The following BLOC1S5 variants were observed in gnomAD, a reference collection of about 807,000 sequenced individuals.
BLOC1S5 encodes the protein biogenesis of lysosome-related organelles complex 1 subunit 5.
Under a neutral mutation model 24.3 loss-of-function variants are expected in BLOC1S5, and 27 were observed. That is an observed-to-expected ratio of 1.11 (90% CI 0.82 to 1.53). The LOEUF is 1.53. Ranked by LOEUF, BLOC1S5 falls within the 40% of genes most tolerant of loss-of-function variation. BLOC1S5 has a pLI of 0.00. For missense variants in BLOC1S5, 239 were observed against 229.4 expected (o/e 1.04, Z -0.27); for synonymous variants, 84 against 74.5 (o/e 1.13, Z -0.66).
At chr6:8,026,278 C>A (rs564921577) in intron 4 of BLOC1S5, 89 bp downstream of exon 4, 2 of 1,073,392 alleles carry the variant, frequency 1.9e-6, no homozygotes, top group East Asian at 2.4e-5. Flanking sequence ...TCACTGCATT[C>A]AGAGAATTTT....
intron 4 of BLOC1S5, among the ~76,000 whole-genome samples, chr6:8,018,553 A>C (rs1344837297): frequency 6.6e-6 from 1 of 152,196 alleles, no homozygotes; most frequent in East Asian, 1.9e-4. Flanking sequence ...AGAAAAACGG[A>C]GCTTTGGCAG....
chr6:8,062,595 C>T lies in BLOC1S5; in HGVS notation c.134G>A (p.Arg45Lys), dbSNP rs570524704. 3.5e-5 allele frequency: 56 copies of T among 1,602,076 alleles called. 1 individual carries two copies. In the South Asian group the frequency reaches 6.2e-4, roughly 18 times the overall value. ...IIKDLGEIHS[R>K]LLDHRPVIQG... ...AATAACTGGTCTGTGATCCAAAAGC[C>T]TTGAATGAATTTCTCCAAGATCTAT... The change falls in exon 2 of 5, where the codon AGG becomes AAG. Residue 45 changes from arginine (R) to lysine (K), a missense_variant. By Grantham distance (26) the Arg-to-Lys change is conservative. Coordinates refer to ENST00000397457, the MANE Select transcript of BLOC1S5 (RefSeq NM_201280.3).
At chr6:8,024,023 C>A (rs1763021889) in intron 4 of BLOC1S5, among the ~76,000 whole-genome samples, 1 of 152,176 alleles carries the variant, frequency 6.6e-6, no homozygotes, top group Non-Finnish European at 1.5e-5. Context: ...AGAAGTGGAT[C>A]TGTTTATGAC....
At chr6:8,059,207 T>C (rs957096399) in intron 2 of BLOC1S5, among the ~76,000 whole-genome samples, 2 of 152,206 alleles carry the variant, frequency 1.3e-5, no homozygotes, top group African/African-American at 4.8e-5. Flanking sequence ...ATAATGTTCA[T>C]TGGAATCAAG....
intron 2 of BLOC1S5, among the ~76,000 whole-genome samples, chr6:8,060,203 T>C (rs776038092): frequency 2.0e-5 from 3 of 152,162 alleles, no homozygotes; most frequent in Admixed American, 6.5e-5. Context: ...CCAAAAATAA[T>C]GAGCCATGCG....
chr6:8,037,592 A>T (rs1430980332), intron 3 of BLOC1S5, among the ~76,000 whole-genome samples: 1 of 152,212 alleles, frequency 6.6e-6, no homozygotes, highest in African/African-American at 2.4e-5. Flanking sequence ...AATACCAACG[A>T]CATTTTTCAT....
chr6:8,064,205 C>T, intron 1 of BLOC1S5, 60 bp downstream of exon 1: 2 of 1,441,054 alleles, frequency 1.4e-6, no homozygotes, highest in South Asian at 1.3e-5. Flanking sequence ...CAGAGGGCGC[C>T]GCCTGGGAGA....
chr6:8,024,646 A>G (rs904648622), intron 4 of BLOC1S5, among the ~76,000 whole-genome samples: 2 of 152,134 alleles, frequency 1.3e-5, no homozygotes, highest in African/African-American at 2.4e-5. Flanking sequence ...AATGGGAAGG[A>G]TTCTCAAGTG....
At chr6:8,040,869 A>C (rs1187656000) in intron 3 of BLOC1S5, among the ~76,000 whole-genome samples, 1 of 152,124 alleles carries the variant, frequency 6.6e-6, no homozygotes, top group Non-Finnish European at 1.5e-5. Flanking sequence ...AAAAAAAAAA[A>C]AATTTGTAAA....
chr6:8,019,607 A>AGGGG (rs34841856), intron 4 of BLOC1S5, among the ~76,000 whole-genome samples: 2 of 145,788 alleles, frequency 1.4e-5, no homozygotes, highest in South Asian at 2.4e-4. Flanking sequence ...TAAAGAAAAA[A>AGGGG]GGGGGGGGGG....
At chr6:8,050,877 T>C (rs913403382) in intron 2 of BLOC1S5, among the ~76,000 whole-genome samples, 1 of 152,018 alleles carries the variant, frequency 6.6e-6, no homozygotes, top group African/African-American at 2.4e-5. Flanking sequence ...AGTGCTGGGA[T>C]TACAGGCATG....
chr6:8,045,192 C>T (rs949565001), intron 2 of BLOC1S5, among the ~76,000 whole-genome samples: 5 of 152,122 alleles, frequency 3.3e-5, no homozygotes, highest in East Asian at 1.9e-4. Flanking sequence ...TGAAAGGGGC[C>T]GACATACAGC....
At chr6:8,022,278 C>A (rs1762939586) in intron 4 of BLOC1S5, among the ~76,000 whole-genome samples, 1 of 149,798 alleles carries the variant, frequency 6.7e-6, no homozygotes, top group Non-Finnish European at 1.5e-5. Flanking sequence ...TGCTAAACAT[C>A]CTGCAATGCA....
intron 3 of BLOC1S5, among the ~76,000 whole-genome samples, chr6:8,034,356 A>G (rs1763414567): frequency 6.6e-6 from 1 of 152,210 alleles, no homozygotes; most frequent in South Asian, 2.1e-4. Context: ...GGAAACCATC[A>G]TTCTCAGCAA....
chr6:8,029,053 C>T (rs549699201), intron 3 of BLOC1S5, among the ~76,000 whole-genome samples: 2 of 152,156 alleles, frequency 1.3e-5, no homozygotes, highest in East Asian at 3.9e-4. Context: ...CCACAGTTAA[C>T]AATGTTCTAT....
intron 2 of BLOC1S5, among the ~76,000 whole-genome samples, chr6:8,052,370 C>G (rs1339390916): frequency 6.6e-5 from 10 of 152,134 alleles, no homozygotes; most frequent in Admixed American, 6.5e-4. Context: ...ACAGCGATTT[C>G]ACTGATGGAT....
At chr6:8,045,598 C>T (rs1255455391) in intron 2 of BLOC1S5, among the ~76,000 whole-genome samples, 1 of 152,198 alleles carries the variant, frequency 6.6e-6, no homozygotes, top group Non-Finnish European at 1.5e-5. Flanking sequence ...AGGCTGTACC[C>T]TGCAAAGCAA....
At chr6:8,041,022 C>A (rs1763660263) in intron 3 of BLOC1S5, 117 bp downstream of exon 3, 1 of 1,200,260 alleles carries the variant, frequency 8.3e-7, no homozygotes, top group Non-Finnish European at 1.1e-6. Context: ...AAACCACTTT[C>A]TCTGTAACTG....
intron 4 of BLOC1S5, among the ~76,000 whole-genome samples, chr6:8,021,268 C>T (rs918977319): frequency 3.3e-5 from 5 of 152,076 alleles, no homozygotes; most frequent in African/African-American, 1.2e-4. Flanking sequence ...GAGGAGTTAC[C>T]GTTTACTGGG....
Sources: gnomAD v4.1 joint callset for allele counts (sites outside exome capture counted in the v4.1 genomes callset) on GRCh38, gnomAD v4.1.1 for gene constraint, MANE v1.5 for transcripts, NCBI Gene and HGNC (gene_info 2026-07-23, HGNC 2026-07-21) for gene names.